The following SLC27A6 variants were observed in gnomAD, a reference collection of about 807,000 sequenced individuals.
SLC27A6 encodes solute carrier family 27 member 6, also known as long-chain fatty acid transport protein 6.
A neutral mutation model predicts 63.9 loss-of-function variants in SLC27A6; 74 were observed. That is an observed-to-expected ratio of 1.16 (90% CI 0.96 to 1.40). The LOEUF is 1.40. Among genes scored for constraint, SLC27A6 ranks in the 40% most tolerant of loss-of-function variants. The pLI is 0.00. For missense variants in SLC27A6, 794 were observed against 732.9 expected (o/e 1.08, Z -0.96); for synonymous variants, 287 against 260.8 (o/e 1.10, Z -0.97).
intron 2 of SLC27A6, among the ~76,000 whole-genome samples, chr5:128,987,926 C>T (rs1210836243): frequency 6.6e-6 from 1 of 151,924 alleles, no homozygotes; most frequent in African/African-American, 2.4e-5. Flanking sequence ...AGTTGTTAGA[C>T]TGAAAAAGCC....
At chr5:129,011,127 C>T (rs1161557569) in intron 4 of SLC27A6, among the ~76,000 whole-genome samples, 1 of 152,004 alleles carries the variant, frequency 6.6e-6, no homozygotes, top group Non-Finnish European at 1.5e-5. Context: ...TTATATGTGT[C>T]TTTTGGCAGA....
chr5:128,971,205 G>T (rs892353207), intron 1 of SLC27A6, among the ~76,000 whole-genome samples: 37 of 152,264 alleles, frequency 2.4e-4, no homozygotes, highest in African/African-American at 8.9e-4. Context: ...GAATAAGTGT[G>T]ATGTGGTGCT....
rs1330143897 is a variant in SLC27A6, at chr5:129,023,699, A to T, written c.1244A>T (p.His415Leu). ...AGAAATGAGCAGGGTTGGTGTATTC[A>T]TGTGAAAAAAGGTAAGACTTCTATT... is the stretch of plus-strand genomic sequence containing the variant. ...PMRNEQGWCI[H>L]VKKGEPGLLI... is the part of the protein sequence containing the mutation. Residue 415 changes from histidine (H) to leucine (L), a missense_variant, in exon 6 of 10, where the codon CAT becomes CTT. Physicochemically the swap from His to Leu is moderately conservative, Grantham distance 99. Coordinates refer to ENST00000262462, the MANE Select transcript of SLC27A6 (RefSeq NM_001017372.3). 6.2e-7 allele frequency: 1 copy of T among 1,607,262 alleles called. No individual in the cohort carries two copies. Among genetic ancestry groups the T allele is most frequent in the African/African-American group, 1.3e-5 (1 of 74,472 alleles).
rs1309334184 is a variant in SLC27A6 at position 128,988,583 on chromosome 5, C to G, written c.686-17C>G. The G allele has an allele frequency of 6.2e-7, 1 of 1,609,114 alleles. No homozygotes were observed. The highest frequency in any genetic ancestry group is 8.5e-7 in the Non-Finnish European group (1 of 1,176,500). ...TATGTGTGTATATATATTTCCTGTT[C>G]TTTTCTTTTCTTCCAGGTCTACCAA... On this transcript the variant is annotated splice_polypyrimidine_tract_variant and intron_variant, in intron 2 of 9. Transcript: ENST00000262462.
At chr5:128,971,902 G>T (rs1452977637) in intron 1 of SLC27A6, among the ~76,000 whole-genome samples, 1 of 152,126 alleles carries the variant, frequency 6.6e-6, no homozygotes, top group Non-Finnish European at 1.5e-5. Flanking sequence ...GGCTGGTACT[G>T]GTTGTTCCTT....
intron 4 of SLC27A6, among the ~76,000 whole-genome samples, chr5:128,990,751 TGGAA>T (rs1750950734): frequency 6.6e-6 from 1 of 152,172 alleles, no homozygotes; most frequent in South Asian, 2.1e-4. Flanking sequence ...CCATGGGTCA[TGGAA>T]GAGAACCGTG....
chr5:129,014,717 A>G (rs1751835468), intron 4 of SLC27A6, among the ~76,000 whole-genome samples: 1 of 151,554 alleles, frequency 6.6e-6, no homozygotes, highest in Non-Finnish European at 1.5e-5. Context: ...ATATTCAGTT[A>G]TACAACTGCT....
rs4068575 is a variant in SLC27A6 at position 129,006,071 on chromosome 5, G to GTTTTT, written c.970-9793_970-9789dup. Among the ~76,000 whole-genome samples, 59 of 60,138 alleles carry GTTTTT rather than the reference G, an allele frequency of 9.8e-4. 8 individuals are homozygous for GTTTTT. The highest frequency in any genetic ancestry group is 3.0e-3 in the African/African-American group (36 of 12,088). The allele number at this position is 60,138 out of a possible 152,430, so 39.5% of individuals were successfully genotyped here. On this transcript the variant is annotated intron_variant, in intron 4 of 9. Coordinates refer to ENST00000262462, the MANE Select transcript of SLC27A6 (RefSeq NM_001017372.3). ...TAAAATTTTCATTCCTGTGCACACT[G>GTTTTT]TTTTTTTTTTTTTTTTTTTTTTTTT...
chr5:129,004,235 T>A, intron 4 of SLC27A6, among the ~76,000 whole-genome samples: 1 of 152,196 alleles, frequency 6.6e-6, no homozygotes, highest in South Asian at 2.1e-4. Flanking sequence ...TGTGTCTTAC[T>A]GTGTTTAGGT....
chr5:128,998,824 G>A (rs1197096753), intron 4 of SLC27A6, among the ~76,000 whole-genome samples: 1 of 152,146 alleles, frequency 6.6e-6, no homozygotes, highest in South Asian at 2.1e-4. Flanking sequence ...TTGTTCTGCA[G>A]TGAGGGCTTA....
chr5:129,023,410 A>G (rs1004538383), intron 5 of SLC27A6, among the ~76,000 whole-genome samples: 1 of 152,164 alleles, frequency 6.6e-6, no homozygotes, highest in Non-Finnish European at 1.5e-5. Flanking sequence ...AAATGCCAGT[A>G]AATGACTGCT....
At chr5:128,968,458 C>G (rs868292849) in intron 1 of SLC27A6, among the ~76,000 whole-genome samples, 13 of 152,248 alleles carry the variant, frequency 8.5e-5, no homozygotes, top group Non-Finnish European at 1.3e-4. Context: ...GCCATTCTAA[C>G]TGGTGTGAGA....
rs544367987 is a variant in SLC27A6, at chr5:128,994,115, C to T, written c.969+3651C>T. Among the ~76,000 whole-genome samples the T allele has an allele frequency of 3.0e-4, 46 of 151,758 alleles. No homozygotes were observed. The South Asian group carries it at 5.9e-3, about 19-fold the overall frequency. ...CCCGTGAGGTGGAGGTTGTGTGAGC[C>T]GAGATTGTGCCACTGCACTCCAGCC... On this transcript the variant is annotated intron_variant, in intron 4 of 9. Coordinates refer to ENST00000262462, the MANE Select transcript of SLC27A6 (RefSeq NM_001017372.3).
intron 4 of SLC27A6, among the ~76,000 whole-genome samples, chr5:129,012,186 T>A (rs1751749644): frequency 6.6e-6 from 1 of 152,030 alleles, no homozygotes; most frequent in Non-Finnish European, 1.5e-5. Flanking sequence ...AAATACTTTT[T>A]AAATTTTCAT....
At chr5:129,002,293 T>G (rs1751364940) in intron 4 of SLC27A6, among the ~76,000 whole-genome samples, 1 of 152,252 alleles carries the variant, frequency 6.6e-6, no homozygotes, top group South Asian at 2.1e-4. Context: ...TCCAGTACTT[T>G]TTCAGCTTCA....
intron 1 of SLC27A6, among the ~76,000 whole-genome samples, chr5:128,972,545 C>T (rs1354896071): frequency 2.0e-5 from 3 of 152,114 alleles, no homozygotes; most frequent in Non-Finnish European, 4.4e-5. Flanking sequence ...CCCTTTCTTC[C>T]ACTTAATCAA....
chr5:128,987,979 T>TA (rs1186659598), intron 2 of SLC27A6, among the ~76,000 whole-genome samples: 2 of 151,948 alleles, frequency 1.3e-5, no homozygotes, highest in African/African-American at 4.8e-5. Flanking sequence ...CTGGTCCCAG[T>TA]AAAAGTCATC....
At chr5:129,029,933 C>T (rs1030867772) in intron 9 of SLC27A6, among the ~76,000 whole-genome samples, 2 of 151,982 alleles carry the variant, frequency 1.3e-5, no homozygotes, top group Admixed American at 1.3e-4. Flanking sequence ...TTGCTCTCTT[C>T]CTCTTCAGTC....
chr5:128,994,742 A>G (rs898365964), intron 4 of SLC27A6, among the ~76,000 whole-genome samples: 10 of 152,182 alleles, frequency 6.6e-5, no homozygotes, highest in Admixed American at 2.6e-4. Flanking sequence ...GCATATTCCA[A>G]AGGAAATTTA....
Sources: allele counts gnomAD v4.1 joint callset (sites outside exome capture counted in the v4.1 genomes callset), GRCh38; gene constraint gnomAD v4.1.1; transcripts MANE v1.5; gene names NCBI Gene and HGNC (gene_info 2026-07-23, HGNC 2026-07-21).